The following ANK2 variants were observed in gnomAD, a reference collection of about 807,000 sequenced individuals.
The protein encoded by ANK2 is ankyrin 2, also known as ankyrin-2.
In ANK2, 83 loss-of-function variants were observed where a neutral mutation model predicts 360.5. That is an observed-to-expected ratio of 0.23 (90% CI 0.19 to 0.28). The LOEUF (loss-of-function observed/expected upper bound fraction) is 0.28, where lower values mean the gene tolerates loss of function less well. Ranked by LOEUF, ANK2 falls within the 10% of genes least tolerant of loss-of-function variation. The pLI is 1.00. For missense variants in ANK2, 4,201 were observed against 4,795.7 expected (o/e 0.88, Z 3.66); for synonymous variants, 1,740 against 1,759.5 (o/e 0.99, Z 0.28).
At chr4:113,097,875 T>TATATAC (rs1562040658) in intron 1 of ANK2, among the ~76,000 whole-genome samples, 2 of 109,198 alleles carry the variant, frequency 1.8e-5, no homozygotes, top group Non-Finnish European at 3.7e-5. Context: ...TGTATATATA[T>TATATAC]GCACACACAC....
At chr4:112,751,209 G>A in the ANK2 span, among the ~76,000 whole-genome samples, 1 of 152,132 alleles carries the variant, frequency 6.6e-6, no homozygotes, top group Non-Finnish European at 1.5e-5. Flanking sequence ...AAATGTGGCA[G>A]TGTAAAAGGT....
chr4:113,142,958 G>T (rs75469481), intron 1 of ANK2, among the ~76,000 whole-genome samples: 7,606 of 151,462 alleles, frequency 0.05, 613 homozygotes, highest in African/African-American at 0.17. Context: ...TTAAATATTT[G>T]TCACACTTAA....
chr4:113,249,865 G>A lies in ANK2; in HGVS notation c.990+3G>A, dbSNP rs1027181301. ...CCCCCTTGCTGGCAAGGACTAAGGT[G>A]AGTCATTATGAGTAAGATGGGGTCC... On this transcript the variant is annotated splice_donor_region_variant and intron_variant, in intron 10 of 45. Transcript: ENST00000357077. 6.2e-6 allele frequency: 10 copies of A among 1,612,050 alleles called. No homozygotes were observed. Among genetic ancestry groups the A allele is most frequent in the Non-Finnish European group, 8.5e-6 (10 of 1,178,520 alleles).
At chr4:113,257,678 A>T (rs1208339085) in intron 11 of ANK2, among the ~76,000 whole-genome samples, 1 of 152,216 alleles carries the variant, frequency 6.6e-6, no homozygotes, top group African/African-American at 2.4e-5. Flanking sequence ...ATATATGCTT[A>T]TCTTCAGTTC....
intron 1 of ANK2, among the ~76,000 whole-genome samples, chr4:113,125,188 G>A (rs1243265350): frequency 6.6e-6 from 1 of 151,806 alleles, no homozygotes; most frequent in Non-Finnish European, 1.5e-5. Context: ...CTCTCTTTGT[G>A]TATTTGAATG....
At chr4:113,222,957 A>G (rs1482575692) in intron 4 of ANK2, among the ~76,000 whole-genome samples, 1 of 152,362 alleles carries the variant, frequency 6.6e-6, no homozygotes, top group African/African-American at 2.4e-5. Flanking sequence ...AAACAAGTAT[A>G]TAATCATATA....
rs1385025290 is a variant in ANK2 at position 113,359,214 on chromosome 4, C to T, written c.10596C>T (p.Ile3532=). ...VETEHSVPED[I]FDTRPIWDES... is the part of the protein sequence containing the mutation. ...CCGAGCACTCAGTTCCTGAGGACAT[C>T]TTTGACACAAGGCCCATTTGGGATG... The change falls in exon 38 of 46, where the codon ATC becomes ATT. Residue 3532 remains isoleucine (I), a synonymous_variant. Transcript: ENST00000357077. 1 of 1,613,528 alleles carries T rather than the reference C, an allele frequency of 6.2e-7. No individual in the cohort carries two copies. The highest frequency in any genetic ancestry group is 8.5e-7 in the Non-Finnish European group (1 of 1,179,608).
chr4:113,193,461 G>A (rs2098702313), intron 2 of ANK2, among the ~76,000 whole-genome samples: 1 of 152,348 alleles, frequency 6.6e-6, no homozygotes, highest in South Asian at 2.1e-4. Flanking sequence ...CTGTGGAAGA[G>A]AAGGGAAAAG....
Position 113,367,776 on chromosome 4 carries a change from A to G in ANK2, c.11243A>G (p.Gln3748Arg), listed in dbSNP as rs1564137636. 6.8e-6 allele frequency: 11 copies of G among 1,614,136 alleles called. No homozygotes were observed. Among genetic ancestry groups the G allele is most frequent in the Non-Finnish European group, 8.5e-6 (10 of 1,180,010 alleles). The change falls in exon 42 of 46, where the codon CAA (glutamine) becomes CGA (arginine). Residue 3748 changes from glutamine (Q) to arginine (R), a missense_variant. Transcript: ENST00000357077. ...CTCTTTCCCCAAACTCACAAGGAGC[A>G]AGTTCAACAGGATTTCTCAGGGAAA... ...TALFPQTHKE[Q>R]VQQDFSGKMQ...
At chr4:112,971,246 TGCCCAACAGA>T (rs1464796874) in intron 2 of ANK2, among the ~76,000 whole-genome samples, 1 of 152,212 alleles carries the variant, frequency 6.6e-6, no homozygotes, top group African/African-American at 2.4e-5. Context: ...AATTGGTTAA[TGCCCAACAGA>T]GCCATAAAGC....
intron 1 of ANK2, among the ~76,000 whole-genome samples, chr4:112,835,747 A>C (rs181394193): frequency 1.0e-3 from 159 of 152,352 alleles, no homozygotes; most frequent in African/African-American, 3.2e-3. Flanking sequence ...CCTAGCATAG[A>C]GTAAGTGCTC....
At chr4:112,709,743 T>C in the ANK2 span, among the ~76,000 whole-genome samples, 8 of 151,820 alleles carry the variant, frequency 5.3e-5, no homozygotes, top group Non-Finnish European at 7.4e-5. Flanking sequence ...AGCAAAACAG[T>C]CTCAAAAAAG....
intron 10 of ANK2, among the ~76,000 whole-genome samples, chr4:113,252,651 C>A (rs945202788): frequency 1.3e-5 from 2 of 152,146 alleles, no homozygotes; most frequent in Non-Finnish European, 2.9e-5. Flanking sequence ...AACCCCAATT[C>A]CGAAATTCTT....
chr4:113,117,512 C>T (rs1301419166), intron 1 of ANK2: 4 of 427,340 alleles, frequency 9.4e-6, no homozygotes, highest in Non-Finnish European at 1.9e-5. Flanking sequence ...TTCCTTCCAT[C>T]ATTCCCCTGC....
At chr4:112,870,944 T>C (rs769618342) in intron 1 of ANK2, among the ~76,000 whole-genome samples, 2 of 152,218 alleles carry the variant, frequency 1.3e-5, no homozygotes, top group African/African-American at 2.4e-5. Context: ...TTTATTTAGG[T>C]CCTCATTGAT....
At chr4:113,288,655 A>T (rs530520754) in intron 20 of ANK2, among the ~76,000 whole-genome samples, 169 bp downstream of exon 20, 5 of 152,316 alleles carry the variant, frequency 3.3e-5, no homozygotes, top group African/African-American at 1.2e-4. Flanking sequence ...TTTCATTCTA[A>T]TAACTTTGAC....
chr4:112,835,223 T>A (rs1009120013), intron 1 of ANK2, among the ~76,000 whole-genome samples: 1 of 152,236 alleles, frequency 6.6e-6, no homozygotes, highest in Non-Finnish European at 1.5e-5. Flanking sequence ...ATTCTTACAT[T>A]CTGTTTATAC....
chr4:112,738,593 G>C, the ANK2 span: 2 of 486,886 alleles, frequency 4.1e-6, no homozygotes, highest in Non-Finnish European at 4.0e-6. Context: ...GGAGAGTTCT[G>C]AATTGTGAGT....
chr4:113,125,137 T>C (rs2095587121), intron 1 of ANK2, among the ~76,000 whole-genome samples: 1 of 152,210 alleles, frequency 6.6e-6, no homozygotes, highest in Admixed American at 6.6e-5. Context: ...TTGTTTATAG[T>C]TTGTCTGTAA....
Sources: gnomAD v4.1 joint callset for allele counts (sites outside exome capture counted in the v4.1 genomes callset) on GRCh38, gnomAD v4.1.1 for gene constraint, MANE v1.5 for transcripts, NCBI Gene and HGNC (gene_info 2026-07-23, HGNC 2026-07-21) for gene names.